Variants in FARS2 observed in about 807,000 individuals in gnomAD.
The protein encoded by FARS2 is phenylalanine--tRNA ligase, mitochondrial.
Under a neutral mutation model 46.4 loss-of-function variants are expected in FARS2, and 40 were observed. That is an observed-to-expected ratio of 0.86 (90% CI 0.67 to 1.12). The LOEUF (loss-of-function observed/expected upper bound fraction) is 1.12. FARS2 is among the 50% of genes most tolerant of loss of function. FARS2 has a pLI of 0.00. For synonymous variants in FARS2, 234 were observed against 214.9 expected, an observed-to-expected ratio of 1.09 and a Z score of -0.78; for missense variants, 513 against 567.9, an observed-to-expected ratio of 0.90 and a Z score of 0.98.
intron 4 of FARS2, among the ~76,000 whole-genome samples, chr6:5,461,459 T>G (rs922591828): frequency 1.3e-5 from 2 of 152,090 alleles, no homozygotes; most frequent in Non-Finnish European, 2.9e-5. Context: ...TTTAGTAAAT[T>G]TATAGAGTTT....
chr6:5,757,477 C>A (rs996901470), intron 6 of FARS2, among the ~76,000 whole-genome samples: 2 of 152,278 alleles, frequency 1.3e-5, no homozygotes, highest in South Asian at 2.1e-4. Flanking sequence ...GCCCTTGAAC[C>A]CAACCCAACC....
intron 5 of FARS2, among the ~76,000 whole-genome samples, chr6:5,599,334 G>A (rs932348895): frequency 1.5e-5 from 2 of 130,420 alleles, no homozygotes; most frequent in African/African-American, 2.9e-5. Flanking sequence ...AGACCATGAC[G>A]ATACAGAAAA....
intron 1 of FARS2, among the ~76,000 whole-genome samples, chr6:5,306,776 G>C (rs1768734185): frequency 6.6e-6 from 1 of 152,084 alleles, no homozygotes; most frequent in South Asian, 2.1e-4. Flanking sequence ...ACTGTCTTCT[G>C]TACAGTAACA....
intron 6 of FARS2, among the ~76,000 whole-genome samples, chr6:5,643,807 A>G (rs1030893089): frequency 1.2e-4 from 19 of 152,152 alleles, no homozygotes; most frequent in Non-Finnish European, 2.1e-4. Context: ...GGGCCTGGAA[A>G]AGGGAAAGAA....
At chr6:5,489,818 T>A (rs957486272) in intron 4 of FARS2, among the ~76,000 whole-genome samples, 2 of 152,376 alleles carry the variant, frequency 1.3e-5, no homozygotes, top group South Asian at 2.1e-4. Context: ...AAATAGGTTA[T>A]GAAAATTTTA....
At chr6:5,351,465 G>A (rs528435281) in intron 1 of FARS2, among the ~76,000 whole-genome samples, 5 of 152,230 alleles carry the variant, frequency 3.3e-5, no homozygotes, top group South Asian at 2.1e-4. Flanking sequence ...TCCAAAACAC[G>A]TATTTGTGAT....
chr6:5,710,729 C>T (rs138833876), intron 6 of FARS2, among the ~76,000 whole-genome samples: 63 of 152,312 alleles, frequency 4.1e-4, no homozygotes, highest in East Asian at 7.7e-4. Flanking sequence ...TCTGGATTTC[C>T]GGAGAGGATC....
intron 1 of FARS2, among the ~76,000 whole-genome samples, chr6:5,271,226 A>G (rs1350497907): frequency 2.6e-5 from 4 of 152,146 alleles, no homozygotes; most frequent in African/African-American, 4.8e-5. Context: ...TCTCTCGGTT[A>G]TGGGAAACCA....
chr6:5,255,526 G>A, the FARS2 span, among the ~76,000 whole-genome samples: 70 of 151,774 alleles, frequency 4.6e-4, no homozygotes, highest in Non-Finnish European at 6.6e-4. Context: ...TGATAAATGC[G>A]TCCCACATAA....
intron 6 of FARS2, among the ~76,000 whole-genome samples, chr6:5,672,049 T>C (rs936725637): frequency 3.3e-5 from 5 of 152,068 alleles, no homozygotes; most frequent in African/African-American, 1.2e-4. Context: ...CAAGAGAAGG[T>C]AGCAGTTGGA....
rs10707069 is a variant in FARS2 at position 5,269,459 on chromosome 6, TAA to T, written c.-22+7809_-22+7810del. 3.3e-4 allele frequency among the ~76,000 whole-genome samples: 45 copies of T among 137,654 alleles called. No homozygotes were observed. The South Asian group carries it at 3.4e-3, about 10-fold the overall frequency. The allele number at this position is 137,654 out of a possible 152,430, so 90.3% of individuals were successfully genotyped here. Reference sequence around the variant, plus strand: ...ATGTACCCTAGAACTTAAAGTATAATAAAAAAAAAAATGAAAATAACCAAAAA... The same window carrying T: ...ATGTACCCTAGAACTTAAAGTATAATAAAAAAAAATGAAAATAACCAAAAA... On this transcript the variant is annotated intron_variant, in intron 1 of 6. Coordinates refer to ENST00000274680, the MANE Select transcript of FARS2 (RefSeq NM_006567.5).
At chr6:5,377,452 CAT>C (rs1485565613) in intron 2 of FARS2, among the ~76,000 whole-genome samples, 2 of 152,230 alleles carry the variant, frequency 1.3e-5, no homozygotes, top group African/African-American at 4.8e-5. Context: ...CGTGTACACA[CAT>C]GTGCAGGCAA....
In FARS2 at chr6:5,727,016, A is replaced by G. The variant is rs1760310096; in HGVS notation, c.1218-44275A>G. Among the ~76,000 whole-genome samples, 1 of 152,232 alleles carries G rather than the reference A, an allele frequency of 6.6e-6. No individual in the cohort carries two copies. Among genetic ancestry groups the G allele is most frequent in the Non-Finnish European group, 1.5e-5 (1 of 68,034 alleles). ...GTGACCGCTGTCAACTGCAAATGGTATGGCCTTGGGTCAGATACTTGGCCT... is the reference window on the plus strand; with the variant it reads ...GTGACCGCTGTCAACTGCAAATGGTGTGGCCTTGGGTCAGATACTTGGCCT... On this transcript the variant is annotated intron_variant, in intron 6 of 6. Coordinates refer to ENST00000274680, the MANE Select transcript of FARS2 (RefSeq NM_006567.5). The surrounding 1 kb of genome is among the most constrained non-coding windows in gnomAD (Gnocchi z 4.1).
At chr6:5,545,682 T>G (rs1360379788) in intron 5 of FARS2, among the ~76,000 whole-genome samples, 1 of 152,190 alleles carries the variant, frequency 6.6e-6, no homozygotes, top group Non-Finnish European at 1.5e-5. Context: ...ATTGTTCAAC[T>G]CCAACTTATG....
intron 6 of FARS2, among the ~76,000 whole-genome samples, chr6:5,721,759 T>C (rs1006898338): frequency 6.6e-6 from 1 of 152,252 alleles, no homozygotes; most frequent in African/African-American, 2.4e-5. Context: ...CCAAAAACAC[T>C]GTCAGTTCTT....
upstream of FARS2, among the ~76,000 whole-genome samples, chr6:5,256,878 A>G (rs2127782363): frequency 6.6e-6 from 1 of 152,312 alleles, no homozygotes; most frequent in Admixed American, 6.5e-5. Context: ...GCTTAACCAG[A>G]AACCTGGATG....
chr6:5,312,712 A>G (rs1045613403), intron 1 of FARS2, among the ~76,000 whole-genome samples: 1 of 152,206 alleles, frequency 6.6e-6, no homozygotes, highest in Non-Finnish European at 1.5e-5. Context: ...TATCAATTAT[A>G]AGGAGTCCAA....
chr6:5,690,533 T>C (rs1340600853), intron 6 of FARS2, among the ~76,000 whole-genome samples: 1 of 151,620 alleles, frequency 6.6e-6, no homozygotes, highest in African/African-American at 2.4e-5. Flanking sequence ...GCCCCCACTC[T>C]CTTCTGGCTT....
At chr6:5,417,924 T>C (rs908385899) in intron 3 of FARS2, among the ~76,000 whole-genome samples, 11 of 152,312 alleles carry the variant, frequency 7.2e-5, no homozygotes, top group African/African-American at 2.6e-4. Context: ...GATTTTTTTT[T>C]CCTTCTATAT....
Sources: allele counts gnomAD v4.1 joint callset (sites outside exome capture counted in the v4.1 genomes callset), GRCh38; gene constraint gnomAD v4.1.1; non-coding constraint Gnocchi (gnomAD v3.1); transcripts MANE v1.5; gene names NCBI Gene and HGNC (gene_info 2026-07-23, HGNC 2026-07-21).